Variants in STX8 observed in about 807,000 individuals in gnomAD.
STX8 encodes the protein syntaxin 8.
Under a neutral mutation model 37.5 loss-of-function variants are expected in STX8, and 23 were observed. The observed-to-expected ratio is 0.61, with a 90% confidence interval of 0.44 to 0.87. The LOEUF (loss-of-function observed/expected upper bound fraction) is 0.87, where lower values mean the gene tolerates loss of function less well. Among genes scored for constraint, STX8 ranks in the 40% least tolerant of loss-of-function variants. The probability of loss-of-function intolerance (pLI) is 0.00; values close to 1 mark genes in which losing one functional copy is unlikely to be tolerated. For synonymous variants in STX8, 115 were observed against 99.1 expected (o/e 1.16, Z -0.95); for missense variants, 313 against 284.7 (o/e 1.10, Z -0.71).
At chr17:9,448,328 C>G (rs1055391794) in intron 6 of STX8, among the ~76,000 whole-genome samples, 78 of 152,274 alleles carry the variant, frequency 5.1e-4, no homozygotes, top group African/African-American at 1.8e-3. Context: ...AAGTCTGAGT[C>G]GCCCAACCCG....
intron 6 of STX8, among the ~76,000 whole-genome samples, chr17:9,392,540 G>T (rs1335490181): frequency 6.6e-6 from 1 of 152,170 alleles, no homozygotes; most frequent in African/African-American, 2.4e-5. Context: ...CCAGGAGGTT[G>T]AGGCTGCAGT....
At chr17:9,531,974 T>C (rs992483117) in intron 4 of STX8, among the ~76,000 whole-genome samples, 7 of 152,178 alleles carry the variant, frequency 4.6e-5, no homozygotes, top group East Asian at 1.9e-4. Flanking sequence ...TTCTTTCACA[T>C]GGTAATGGCT....
intron 7 of STX8, among the ~76,000 whole-genome samples, chr17:9,313,541 C>A (rs1909268824): frequency 6.6e-6 from 1 of 152,232 alleles, no homozygotes; most frequent in South Asian, 2.1e-4. Flanking sequence ...ATCTGCTGAA[C>A]ACAAAGAGCC....
At chr17:9,362,474 G>A (rs1911090037) in intron 7 of STX8, among the ~76,000 whole-genome samples, 1 of 151,996 alleles carries the variant, frequency 6.6e-6, no homozygotes, top group Non-Finnish European at 1.5e-5. Flanking sequence ...TTATTTTCCT[G>A]CCCTAATACA....
intron 7 of STX8, among the ~76,000 whole-genome samples, chr17:9,286,413 T>C (rs1182127127): frequency 6.6e-6 from 1 of 152,122 alleles, no homozygotes; most frequent in African/African-American, 2.4e-5. Flanking sequence ...AAAAATATTG[T>C]CTTGAACACT....
intron 7 of STX8, among the ~76,000 whole-genome samples, chr17:9,358,885 A>G (rs558091358): frequency 8.9e-4 from 136 of 152,200 alleles, no homozygotes; most frequent in African/African-American, 3.1e-3. Flanking sequence ...AGCACCCAAT[A>G]CCCCAGGGCA....
intron 5 of STX8, among the ~76,000 whole-genome samples, chr17:9,498,555 T>A (rs975349896): frequency 6.6e-6 from 1 of 152,184 alleles, no homozygotes; most frequent in Non-Finnish European, 1.5e-5. Context: ...AGAAAGGGTA[T>A]CTTCAAAGAA....
At chr17:9,437,506 A>C (rs1276029531) in intron 6 of STX8, among the ~76,000 whole-genome samples, 1 of 152,232 alleles carries the variant, frequency 6.6e-6, no homozygotes, top group African/African-American at 2.4e-5. Context: ...GAAAAAATGA[A>C]ATTGCAGACG....
In STX8 at chr17:9,470,021, G is replaced by T. The variant is rs538334950; in HGVS notation, c.541+21808C>A. 7 of 152,222 alleles carry T rather than the reference G, an allele frequency of 4.6e-5. No homozygotes were observed. The East Asian group carries it at 1.3e-3, about 29-fold the overall frequency. The allele number at this position is 152,222 out of a possible 1,614,324, so 9.4% of individuals were successfully genotyped here. On this transcript the variant is annotated intron_variant, in intron 6 of 7. Coordinates refer to ENST00000306357, the MANE Select transcript of STX8 (RefSeq NM_004853.3). ...TAAATTTTTTTTAATTGTGCTTGTG[G>T]ATTTCAAACTAACCAAATTGGTTGA...
chr17:9,491,272 T>C (rs3968859), intron 6 of STX8, among the ~76,000 whole-genome samples: 151,858 of 152,084 alleles, frequency 1, 75,817 homozygotes, highest in Middle Eastern at 1. Context: ...TCCCCCTTTC[T>C]GCCCCTACAA....
chr17:9,495,392 A>G (rs1904346799), intron 5 of STX8, among the ~76,000 whole-genome samples: 2 of 152,308 alleles, frequency 1.3e-5, no homozygotes, highest in South Asian at 2.1e-4. Flanking sequence ...AATAATCTAT[A>G]TATATAGGAC....
chr17:9,571,494 G>T (rs1907686509), intron 1 of STX8, among the ~76,000 whole-genome samples: 1 of 151,056 alleles, frequency 6.6e-6, no homozygotes, highest in African/African-American at 2.4e-5. Context: ...GGGTCGGGGG[G>T]TGGCTGAGGC....
At chr17:9,518,606 T>C (rs1323757783) in intron 4 of STX8, among the ~76,000 whole-genome samples, 1 of 152,162 alleles carries the variant, frequency 6.6e-6, no homozygotes, top group Non-Finnish European at 1.5e-5. Context: ...TGGTGGCTCA[T>C]GCCTGTAATC....
intron 7 of STX8, among the ~76,000 whole-genome samples, chr17:9,251,178 G>A (rs1260085096): frequency 3.9e-5 from 6 of 152,226 alleles, no homozygotes; most frequent in African/African-American, 1.2e-4. Flanking sequence ...GTATTTGCTA[G>A]TTTCATTTCC....
chr17:9,452,061 C>T (rs897773658), intron 6 of STX8: 1 of 152,184 alleles, frequency 6.6e-6, no homozygotes, highest in African/African-American at 2.4e-5. Context: ...CTATGACATA[C>T]ATTCCAATGA....
At chr17:9,463,679 G>A (rs1567572033) in intron 6 of STX8, among the ~76,000 whole-genome samples, 1 of 152,134 alleles carries the variant, frequency 6.6e-6, no homozygotes, top group Non-Finnish European at 1.5e-5. Context: ...AGGCCGAGCT[G>A]GGCGGATCAC....
chr17:9,362,586 A>G (rs1167176907), intron 7 of STX8, among the ~76,000 whole-genome samples: 4 of 152,044 alleles, frequency 2.6e-5, no homozygotes, highest in Admixed American at 1.3e-4. Context: ...TGGGAGGCCG[A>G]GGTGGGCGTA....
chr17:9,323,905 G>A (rs1327475454), intron 7 of STX8, among the ~76,000 whole-genome samples: 3 of 152,136 alleles, frequency 2.0e-5, no homozygotes, highest in Admixed American at 2.0e-4. Context: ...AGGTGCTGGA[G>A]GTGAGCCCTG....
chr17:9,383,053 T>A (rs1017581595), intron 6 of STX8, among the ~76,000 whole-genome samples: 3 of 152,156 alleles, frequency 2.0e-5, no homozygotes, highest in African/African-American at 7.2e-5. Flanking sequence ...CTAGAGAGCA[T>A]CCTCATTTCT....
Sources: gnomAD v4.1 joint callset for allele counts (sites outside exome capture counted in the v4.1 genomes callset) on GRCh38, gnomAD v4.1.1 for gene constraint, MANE v1.5 for transcripts, NCBI Gene and HGNC (gene_info 2026-07-23, HGNC 2026-07-21) for gene names.